Variants in MORN5 observed in about 807,000 individuals in gnomAD.
MORN5 encodes the protein MORN repeat containing 5, also known as MORN repeat-containing protein 5.
A neutral mutation model predicts 22.1 loss-of-function variants in MORN5; 21 were observed. That is an observed-to-expected ratio of 0.95 (90% confidence interval 0.67 to 1.37). The LOEUF (loss-of-function observed/expected upper bound fraction) is 1.37. MORN5 is among the 40% of genes most tolerant of loss of function. MORN5 has a pLI of 0.00. For synonymous variants in MORN5, 73 were observed against 74.0 expected (o/e 0.99, Z 0.07); for missense variants, 211 against 215.1 (o/e 0.98, Z 0.12).
chr9:122,187,086 G>A (rs780136970), intron 4 of MORN5, among the ~76,000 whole-genome samples: 4 of 152,254 alleles, frequency 2.6e-5, no homozygotes, highest in Admixed American at 6.5e-5. Context: ...GGGGCCTGAA[G>A]TGAGATGACA....
At chr9:122,160,852 A>G (rs1829186608) in intron 1 of MORN5, among the ~76,000 whole-genome samples, 1 of 152,170 alleles carries the variant, frequency 6.6e-6, no homozygotes, top group Admixed American at 6.5e-5. Context: ...CCTGGGCTCA[A>G]GTGATCCTCT....
chr9:122,172,643 A>G (rs1228691231), intron 3 of MORN5, among the ~76,000 whole-genome samples: 1 of 152,142 alleles, frequency 6.6e-6, no homozygotes, highest in Non-Finnish European at 1.5e-5. Context: ...CACAGCAGCC[A>G]TGACCTCCTC....
At chr9:122,175,412 A>C in intron 4 of MORN5, 8 of 954,724 alleles carry the variant, frequency 8.4e-6, no homozygotes, top group Non-Finnish European at 1.0e-5. Flanking sequence ...GATCAGACTG[A>C]GAAGAACCCA....
In MORN5 at chr9:122,166,878, A is replaced by C; in HGVS notation, c.158A>C (p.Gln53Pro). The change falls in exon 2 of 5, where the codon CAA becomes CCA. Residue 53 changes from glutamine to proline, a missense_variant. Transcript: ENST00000373764. ...ACCCTGTACTTCCCCAGCGGAAGCC[A>C]ATACGACGCCATTTGGGAAAACGGA... ...EGTLYFPSGS[Q>P]YDAIWENGLA... 6.2e-7 allele frequency: 1 copy of C among 1,613,986 alleles called. No homozygotes were observed. The highest frequency in any genetic ancestry group is 8.5e-7 in the Non-Finnish European group (1 of 1,179,954).
At chr9:122,170,561 A>G (rs916944442) in intron 3 of MORN5, among the ~76,000 whole-genome samples, 1 of 152,144 alleles carries the variant, frequency 6.6e-6, no homozygotes, top group Non-Finnish European at 1.5e-5. Flanking sequence ...GCTCTCTGTA[A>G]TCCCTGTCTC....
At chr9:122,166,721 C>T (rs1464289320) in intron 1 of MORN5, 47 bp from the exon 2 acceptor site, 2 of 1,572,196 alleles carry the variant, frequency 1.3e-6, no homozygotes, top group Non-Finnish European at 1.7e-6. Context: ...CAGCTCTGAT[C>T]CTCCAGCTGT....
rs41302655 is a variant in MORN5, at chr9:122,169,678, G to C, written c.229G>C (p.Asp77His). ...TYTFSDGLHY[D>H]EKNWHYCDGY... ...TACGTTCTCAGATGGGCTGCACTAT[G>C]ATGAGAAAAACTGGCATTACTGCGA... The change falls in exon 3 of 5, where the codon GAT becomes CAT. Residue 77 changes from aspartate (D) to histidine (H), a missense_variant. Coordinates refer to ENST00000373764, the MANE Select transcript of MORN5 (RefSeq NM_198469.4). The C allele has an allele frequency of 1.2e-6, 2 of 1,614,056 alleles. No individual in the cohort carries two copies. Among genetic ancestry groups the C allele is most frequent in the South Asian group, 1.1e-5 (1 of 91,086 alleles).
chr9:122,160,219 T>C (rs977968672), intron 1 of MORN5, among the ~76,000 whole-genome samples, 200 bp downstream of exon 1: 17 of 152,162 alleles, frequency 1.1e-4, no homozygotes, highest in Non-Finnish European at 2.2e-4. Flanking sequence ...GTGCATTGAC[T>C]GTGTGTGTGT....
chr9:122,195,592 C>T (rs1460906058), intron 4 of MORN5, among the ~76,000 whole-genome samples: 1 of 152,094 alleles, frequency 6.6e-6, no homozygotes, highest in Non-Finnish European at 1.5e-5. Flanking sequence ...AGGAAGATCA[C>T]AGAAGTAAAG....
intron 4 of MORN5, among the ~76,000 whole-genome samples, chr9:122,182,148 T>C (rs1284571934): frequency 2.0e-5 from 3 of 152,242 alleles, no homozygotes; most frequent in Non-Finnish European, 4.4e-5. Context: ...CCTTCCATCC[T>C]GCTGTCTCTT....
chr9:122,174,413 C>T (rs1829413722), intron 3 of MORN5, 83 bp from the exon 4 acceptor site: 2 of 1,506,492 alleles, frequency 1.3e-6, no homozygotes, highest in African/African-American at 1.4e-5. Flanking sequence ...ACATGAGCCA[C>T]CAGCCACAAG....
chr9:122,174,420 C>G (rs1829413837), intron 3 of MORN5, 76 bp from the exon 4 acceptor site: 9 of 1,541,260 alleles, frequency 5.8e-6, no homozygotes, highest in Non-Finnish European at 8.0e-6. Flanking sequence ...CCACCAGCCA[C>G]AAGTGGACCT....
intron 4 of MORN5, among the ~76,000 whole-genome samples, chr9:122,191,902 C>T (rs1191243306): frequency 6.6e-6 from 1 of 152,256 alleles, no homozygotes; most frequent in Admixed American, 6.5e-5. Flanking sequence ...ACCAGAAGTC[C>T]TGGGAGTGTC....
intron 4 of MORN5, among the ~76,000 whole-genome samples, chr9:122,182,612 A>G (rs992700012): frequency 2.0e-5 from 3 of 152,172 alleles, no homozygotes; most frequent in African/African-American, 7.2e-5. Context: ...TTAGCTGGGC[A>G]TGGTGGCGCA....
chr9:122,173,657 G>A lies in MORN5; in HGVS notation c.308-839G>A, dbSNP rs188641427. On this transcript the variant is annotated intron_variant, in intron 3 of 4. Coordinates refer to ENST00000373764, the MANE Select transcript of MORN5 (RefSeq NM_198469.4). ...CCTCTCCCTTTACTTGAGCCATGGC[G>A]TTTCAAGATACACATACCTAGCGTG... Among the ~76,000 whole-genome samples the A allele has an allele frequency of 2.3e-4, 35 of 152,272 alleles. 1 individual carries two copies. The East Asian group carries it at 4.4e-3, about 19-fold the overall frequency.
rs182794289 is a variant in MORN5, at chr9:122,185,603, G to A, written c.439+10976G>A. Among the ~76,000 whole-genome samples, 13 of 151,938 alleles carry A rather than the reference G, an allele frequency of 8.6e-5. No individual in the cohort carries two copies. The East Asian group carries it at 1.6e-3, about 18-fold the overall frequency. ...TCTCGATCTCCTGACCTCGTGATCC[G>A]CCCGCCTCGGCCTCCCAAAGTGCTG... is the stretch of plus-strand genomic sequence containing the variant. On this transcript the variant is annotated intron_variant, in intron 4 of 4. Transcript: ENST00000373764.
At chr9:122,192,719 C>T (rs1410240362) in intron 4 of MORN5, among the ~76,000 whole-genome samples, 6 of 152,182 alleles carry the variant, frequency 3.9e-5, no homozygotes, top group Non-Finnish European at 5.9e-5. Context: ...CCCCACACAA[C>T]CCAGCCTCTC....
chr9:122,169,730 A>C lies in MORN5; in HGVS notation c.281A>C (p.Glu94Ala), dbSNP rs1829339587. ...CDGYDRRFYTEILNGLKPAGM... is the reference protein window; with the variant it reads ...CDGYDRRFYTAILNGLKPAGM... Reference sequence around the variant, plus strand: ...GGCTATGATCGGAGGTTTTACACAGAGATCCTCAATGGCTTGAAGCCTGCA... The same window carrying C: ...GGCTATGATCGGAGGTTTTACACAGCGATCCTCAATGGCTTGAAGCCTGCA... Residue 94 changes from glutamate to alanine, a missense_variant, in exon 3 of 5, where the codon GAG becomes GCG. Glu to Ala is a moderately radical substitution (Grantham distance 107, BLOSUM62 -1). Transcript: ENST00000373764. 1.2e-6 allele frequency: 2 copies of C among 1,613,778 alleles called. No individual in the cohort carries two copies. Among genetic ancestry groups the C allele is most frequent in the Non-Finnish European group, 1.7e-6 (2 of 1,179,742 alleles).
intron 4 of MORN5, among the ~76,000 whole-genome samples, chr9:122,193,987 G>A (rs1829833785): frequency 6.6e-6 from 1 of 152,220 alleles, no homozygotes. Flanking sequence ...GTAGCCCATG[G>A]TCAGATTTGG....
Sources: gnomAD v4.1 joint callset for allele counts (sites outside exome capture counted in the v4.1 genomes callset) on GRCh38, gnomAD v4.1.1 for gene constraint, MANE v1.5 for transcripts, NCBI Gene and HGNC (gene_info 2026-07-23, HGNC 2026-07-21) for gene names.